Variants in NTRK3 observed in about 807,000 individuals in gnomAD.
NTRK3 encodes NT-3 growth factor receptor.
In NTRK3, 24 loss-of-function variants were observed where a neutral mutation model predicts 91.7. The ratio of observed to expected loss-of-function variants is 0.26; its 90% confidence interval spans 0.19 to 0.37. The LOEUF (loss-of-function observed/expected upper bound fraction) is 0.37. Ranked by LOEUF, NTRK3 falls within the 10% of genes least tolerant of loss-of-function variation. The pLI is 1.00. For missense variants in NTRK3, 880 were observed against 1,068.9 expected (o/e 0.82, Z 2.46); for synonymous variants, 483 against 404.0 (o/e 1.20, Z -2.34).
At chr15:88,042,488 C>T (rs1374249107) in intron 13 of NTRK3, among the ~76,000 whole-genome samples, 2 of 152,152 alleles carry the variant, frequency 1.3e-5, no homozygotes, top group African/African-American at 4.8e-5. Flanking sequence ...GTCCTGCAGG[C>T]AGCACAGCAA....
chr15:88,119,539 C>T (rs2052475439), intron 13 of NTRK3, among the ~76,000 whole-genome samples: 1 of 152,176 alleles, frequency 6.6e-6, no homozygotes, highest in Admixed American at 6.5e-5. Flanking sequence ...CCTGGGATCA[C>T]AACACAGGAA....
intron 14 of NTRK3, among the ~76,000 whole-genome samples, chr15:88,030,390 A>G (rs1031485164): frequency 1.3e-5 from 2 of 152,084 alleles, no homozygotes; most frequent in Non-Finnish European, 2.9e-5. Context: ...AGCTCTCTCC[A>G]TGGCTCCCAG....
At chr15:88,175,379 G>GAC (rs1257493318) in intron 5 of NTRK3, among the ~76,000 whole-genome samples, 1 of 138,036 alleles carries the variant, frequency 7.2e-6, no homozygotes, top group Non-Finnish European at 1.6e-5. Context: ...GACACAGAGA[G>GAC]ATAGAGAGAG....
At chr15:87,955,734 G>A (rs2141154322) in intron 14 of NTRK3, among the ~76,000 whole-genome samples, 1 of 152,286 alleles carries the variant, frequency 6.6e-6, no homozygotes, top group South Asian at 2.1e-4. Flanking sequence ...AGTGGTACTG[G>A]GCAGAAAAGA....
intron 5 of NTRK3, among the ~76,000 whole-genome samples, chr15:88,152,466 A>G (rs1259107626): frequency 6.6e-6 from 1 of 152,254 alleles, no homozygotes; most frequent in African/African-American, 2.4e-5. Context: ...GGACACAGAC[A>G]TAAAGAAAAG....
At chr15:87,879,314 T>C (rs2065113809) in intron 18 of NTRK3, among the ~76,000 whole-genome samples, 1 of 152,204 alleles carries the variant, frequency 6.6e-6, no homozygotes, top group African/African-American at 2.4e-5. Flanking sequence ...AGAATTGCGA[T>C]GTTTCATAGG....
chr15:87,979,177 G>T, intron 14 of NTRK3: 1 of 671,950 alleles, frequency 1.5e-6, no homozygotes. Flanking sequence ...TGGTGGATGG[G>T]GGAAAACACC....
rs112930581 is a variant in NTRK3 at position 87,882,489 on chromosome 15, A to G, written c.2134-2061T>C. ...ATTTGGTAGTAAAAGTAATACAATT[A>G]CTAATAAAGGCTTCCTGTAAAATAG... On this transcript the variant is annotated intron_variant, in intron 17 of 18. Coordinates refer to ENST00000394480, the Ensembl canonical transcript of NTRK3. Among the ~76,000 whole-genome samples, 1,208 of 152,322 alleles carry G rather than the reference A, an allele frequency of 7.9e-3. 10 individuals are homozygous for G. Among genetic ancestry groups the G allele is most frequent in the Non-Finnish European group, 0.013 (889 of 68,026 alleles).
intron 3 of NTRK3, among the ~76,000 whole-genome samples, chr15:88,214,252 G>T (rs1019474053): frequency 2.0e-5 from 3 of 152,128 alleles, no homozygotes; most frequent in African/African-American, 7.2e-5. Context: ...GGTGTCAGCA[G>T]GGCCATGCTC....
At chr15:88,045,078 C>G (rs1474287590) in intron 13 of NTRK3, among the ~76,000 whole-genome samples, 1 of 152,178 alleles carries the variant, frequency 6.6e-6, no homozygotes, top group African/African-American at 2.4e-5. Context: ...CCAGGCCCAG[C>G]TCTCTGTTGA....
At chr15:88,188,909 T>C (rs1445311566) in intron 3 of NTRK3, among the ~76,000 whole-genome samples, 1 of 152,220 alleles carries the variant, frequency 6.6e-6, no homozygotes, top group Non-Finnish European at 1.5e-5. Context: ...CTTCATTCCA[T>C]AGAAATGTGA....
chr15:88,135,133 A>G (rs771405840), exon 10 of NTRK3: 1 of 1,614,186 alleles, frequency 6.2e-7, no homozygotes, highest in Non-Finnish European at 8.5e-7. Context: ...GTGGCCATTG[A>G]TGGTCTGGTT....
chr15:88,157,068 C>T (rs1382409978), intron 5 of NTRK3, among the ~76,000 whole-genome samples: 2 of 152,150 alleles, frequency 1.3e-5, no homozygotes, highest in African/African-American at 4.8e-5. Flanking sequence ...CTGCTCCTCC[C>T]ACTGCCCTCC....
intron 9 of NTRK3, 149 bp from the exon 10 acceptor site, chr15:88,135,546 G>T: frequency 1.1e-6 from 1 of 936,214 alleles, no homozygotes; most frequent in Non-Finnish European, 1.6e-6. Context: ...AATCCCAGCA[G>T]AGGGGAAGAG....
chr15:88,043,631 T>C (rs976725688), intron 13 of NTRK3, among the ~76,000 whole-genome samples: 1 of 152,152 alleles, frequency 6.6e-6, no homozygotes, highest in East Asian at 1.9e-4. Context: ...AGAACCCAAA[T>C]TCCTGAGGGC....
intron 17 of NTRK3, among the ~76,000 whole-genome samples, chr15:87,921,061 T>C (rs1406931690): frequency 6.6e-6 from 1 of 152,168 alleles, no homozygotes; most frequent in Non-Finnish European, 1.5e-5. Context: ...GTGAAGGATA[T>C]ATGGGAATTC....
At chr15:88,072,004 C>CTT (rs374364707) in intron 13 of NTRK3, among the ~76,000 whole-genome samples, 32 of 132,636 alleles carry the variant, frequency 2.4e-4, no homozygotes, top group South Asian at 5.0e-4. Context: ...AATCAAACAT[C>CTT]TTTTTTTTTT....
intron 13 of NTRK3, among the ~76,000 whole-genome samples, chr15:88,037,025 C>T (rs1453227411): frequency 6.6e-6 from 1 of 152,172 alleles, no homozygotes; most frequent in East Asian, 1.9e-4. Flanking sequence ...ACCTTCTCTA[C>T]CTTATTTGAG....
chr15:88,210,486 T>C (rs4887210), intron 3 of NTRK3, among the ~76,000 whole-genome samples: 120,928 of 152,210 alleles, frequency 0.79, 49,512 homozygotes, highest in East Asian at 0.96. Context: ...AATTCCTCAA[T>C]TGGTTTCTTG....
Sources: allele counts gnomAD v4.1 joint callset (sites outside exome capture counted in the v4.1 genomes callset), GRCh38; gene constraint gnomAD v4.1.1; transcripts MANE v1.5; gene names NCBI Gene and HGNC (gene_info 2026-07-23, HGNC 2026-07-21).